Variants in ACYP2 observed in about 807,000 individuals in gnomAD.
ACYP2 encodes acylphosphatase-2.
Under a neutral mutation model 11.2 loss-of-function variants are expected in ACYP2, and 12 were observed. The ratio of observed to expected loss-of-function variants is 1.08; its 90% CI spans 0.69 to 1.74. The LOEUF (loss-of-function observed/expected upper bound fraction) is 1.74, where lower values mean the gene tolerates loss of function less well. Ranked by LOEUF, ACYP2 falls within the 40% of genes most tolerant of loss-of-function variation. The pLI, the probability that ACYP2 is intolerant of heterozygous loss-of-function variation, is 0.00. For synonymous variants in ACYP2, 43 were observed against 32.2 expected (o/e 1.33, Z -1.13); for missense variants, 134 against 101.9 (o/e 1.31, Z -1.35).
chr2:54,243,997 G>A (rs1352848872), intron 6 of ACYP2, among the ~76,000 whole-genome samples: 1 of 151,798 alleles, frequency 6.6e-6, no homozygotes. Flanking sequence ...CCCACTCTGA[G>A]TTAGTAGAGA....
intron 6 of ACYP2, among the ~76,000 whole-genome samples, chr2:54,225,478 T>C (rs1685975316): frequency 6.6e-6 from 1 of 152,196 alleles, no homozygotes; most frequent in South Asian, 2.1e-4. Flanking sequence ...AGCATCAGCA[T>C]GATCTTCTTT....
At chr2:54,197,935 ATGTATTATATTGTATTGTATTGTAT>A (rs1291444477) in intron 6 of ACYP2, among the ~76,000 whole-genome samples, 8,886 of 130,958 alleles carry the variant, frequency 0.068, 519 homozygotes, top group South Asian at 0.11. Flanking sequence ...TTATTTATGT[ATGTATTATATTGTATTGTATTGTAT>A]TGTATTGTAT....
intron 6 of ACYP2, among the ~76,000 whole-genome samples, chr2:54,146,645 C>T (rs1681906737): frequency 1.3e-5 from 2 of 151,912 alleles, no homozygotes; most frequent in African/African-American, 4.8e-5. Context: ...CTTTGTCTTC[C>T]AACCTTTCTA....
At chr2:54,190,484 T>C (rs1175423168) in intron 6 of ACYP2, among the ~76,000 whole-genome samples, 1 of 152,086 alleles carries the variant, frequency 6.6e-6, no homozygotes, top group Non-Finnish European at 1.5e-5. Context: ...AAGTGTTAAG[T>C]CCAGTGGCCA....
chr2:54,219,815 G>GTA (rs1558622053), intron 6 of ACYP2, among the ~76,000 whole-genome samples: 1 of 111,036 alleles, frequency 9.0e-6, no homozygotes, highest in Non-Finnish European at 2.0e-5. Context: ...GTGTGTTTGT[G>GTA]TATGTGTGTG....
At chr2:54,127,977 A>T (rs775837471) in intron 4 of ACYP2, among the ~76,000 whole-genome samples, 15 of 152,308 alleles carry the variant, frequency 9.8e-5, no homozygotes, top group South Asian at 2.1e-4. Context: ...CTAATCTGTC[A>T]TTATGATTTG....
chr2:54,297,002 C>CA (rs1431451150), intron 6 of ACYP2, among the ~76,000 whole-genome samples: 2 of 152,082 alleles, frequency 1.3e-5, no homozygotes, highest in Non-Finnish European at 2.9e-5. Context: ...TCCATCTACC[C>CA]ATCCATCCAT....
rs1443355945 is a variant in ACYP2, at chr2:53,977,578, C to CA, written c.62+3775dup. 1.1e-4 allele frequency among the ~76,000 whole-genome samples: 16 copies of CA among 151,522 alleles called. 1 individual carries two copies. The highest frequency in any genetic ancestry group is 3.4e-4 in the African/African-American group (14 of 41,266). ...TGAAACCCCATGTCTACTAAAAATA[C>CA]AAAAAAATTAGCTGGGTGTGGTGGC... On this transcript the variant is annotated intron_variant, in intron 2 of 6. Transcript: ENST00000607452.
intron 2 of ACYP2, among the ~76,000 whole-genome samples, chr2:54,010,817 C>T (rs1317300457): frequency 7.2e-6 from 1 of 138,776 alleles, no homozygotes; most frequent in Non-Finnish European, 1.5e-5. Context: ...TACTGTCATG[C>T]GCCACTACAC....
intron 6 of ACYP2, chr2:54,254,394 G>A (rs2104018326): frequency 6.5e-6 from 1 of 153,654 alleles, no homozygotes; most frequent in South Asian, 2.1e-4. Flanking sequence ...GCCAGTAGCA[G>A]GCAGCAATAG....
intron 6 of ACYP2, among the ~76,000 whole-genome samples, chr2:54,282,372 C>G (rs1051939682): frequency 6.6e-6 from 1 of 152,194 alleles, no homozygotes; most frequent in African/African-American, 2.4e-5. Context: ...CTCTCATCCA[C>G]TCCTCTTTTG....
chr2:54,126,685 C>T (rs138795562), intron 4 of ACYP2, among the ~76,000 whole-genome samples: 30 of 151,472 alleles, frequency 2.0e-4, no homozygotes, highest in African/African-American at 5.8e-4. Context: ...CAGTGGCTCA[C>T]GCCTGTAATC....
chr2:53,981,668 G>A (rs976293868), intron 2 of ACYP2, among the ~76,000 whole-genome samples: 2 of 152,090 alleles, frequency 1.3e-5, no homozygotes, highest in African/African-American at 2.4e-5. Context: ...GGAAAGTTGG[G>A]GTTTTCCTTT....
rs575225138 is a variant in ACYP2, at chr2:53,981,089, C to G, written c.62+7279C>G. 3.9e-5 allele frequency among the ~76,000 whole-genome samples: 6 copies of G among 152,238 alleles called. No individual in the cohort carries two copies. The South Asian group carries it at 1.2e-3, about 32-fold the overall frequency. ...TTTTATCTTTTATACTGTATTTTTA[C>G]TGCACCTCTTCTATGTTTAGATACA... On this transcript the variant is annotated intron_variant, in intron 2 of 6. Coordinates refer to ENST00000607452, the MANE Select transcript of ACYP2 (RefSeq NM_001320586.2).
At chr2:54,208,442 T>G (rs1331104130) in intron 6 of ACYP2, among the ~76,000 whole-genome samples, 1 of 151,966 alleles carries the variant, frequency 6.6e-6, no homozygotes, top group East Asian at 1.9e-4. Flanking sequence ...GAGCCGGGGG[T>G]GCAGGGGGTG....
chr2:54,144,732 T>C (rs1301278413), intron 6 of ACYP2, among the ~76,000 whole-genome samples: 1 of 152,080 alleles, frequency 6.6e-6, no homozygotes, highest in Non-Finnish European at 1.5e-5. Flanking sequence ...TGAAAATTCC[T>C]AATCTTGTAG....
At chr2:54,195,861 G>T (rs981650006) in intron 6 of ACYP2, among the ~76,000 whole-genome samples, 1 of 132,282 alleles carries the variant, frequency 7.6e-6, no homozygotes, top group African/African-American at 2.9e-5. Context: ...GCAATGGCGC[G>T]ATCTTGGCTC....
At chr2:53,984,338 G>A (rs1671909031) in intron 2 of ACYP2, among the ~76,000 whole-genome samples, 1 of 152,030 alleles carries the variant, frequency 6.6e-6, no homozygotes, top group Non-Finnish European at 1.5e-5. Flanking sequence ...AGCACTTTGG[G>A]AGGCCGAGGC....
chr2:54,181,798 T>C (rs145618684), intron 6 of ACYP2, among the ~76,000 whole-genome samples: 8 of 152,284 alleles, frequency 5.3e-5, no homozygotes, highest in Middle Eastern at 3.4e-3. Context: ...CACAAAGCCA[T>C]TTCTGTCCAC....
Sources: gnomAD v4.1 joint callset for allele counts (sites outside exome capture counted in the v4.1 genomes callset) on GRCh38, gnomAD v4.1.1 for gene constraint, MANE v1.5 for transcripts, NCBI Gene and HGNC (gene_info 2026-07-23, HGNC 2026-07-21) for gene names.